Variants in PLEKHG5 observed in about 807,000 individuals in gnomAD.
The protein encoded by PLEKHG5 is pleckstrin homology and RhoGEF domain containing G5.
PLEKHG5 carries 52 observed loss-of-function variants against 103.8 expected under a neutral mutation model. The observed-to-expected ratio is 0.50, with a 90% CI of 0.40 to 0.63. The LOEUF is 0.63. Among genes scored for constraint, PLEKHG5 ranks in the 30% least tolerant of loss-of-function variants. The pLI is 0.00. For missense variants in PLEKHG5, 1,205 were observed against 1,347.6 expected, an observed-to-expected ratio of 0.89 and a Z score of 1.66; for synonymous variants, 592 against 575.5, an observed-to-expected ratio of 1.03 and a Z score of -0.41.
At chr1:6,519,760 T>C (rs1050216482) in exon 1 of PLEKHG5, 1 of 592,118 alleles carries the variant, frequency 1.7e-6, no homozygotes, top group Non-Finnish European at 3.0e-6. Context: ...GCGCTGTATA[T>C]TTGAAGGCAC....
chr1:6,518,274 T>C (rs1181050679), intron 1 of PLEKHG5, among the ~76,000 whole-genome samples: 1 of 150,388 alleles, frequency 6.6e-6, no homozygotes, highest in Non-Finnish European at 1.5e-5. Context: ...AATATGGATG[T>C]GCAGGGCCAG....
intron 9 of PLEKHG5, 30 bp downstream of exon 9, chr1:6,472,956 G>A: frequency 6.2e-7 from 1 of 1,605,518 alleles, no homozygotes; most frequent in African/African-American, 1.3e-5. Flanking sequence ...TTCGGGACAA[G>A]GAGGGAGCAG....
chr1:6,475,363 T>C, intron 4 of PLEKHG5, 99 bp downstream of exon 4: 1 of 1,057,284 alleles, frequency 9.5e-7, no homozygotes, highest in Non-Finnish European at 1.5e-6. Context: ...CACCCTGGGA[T>C]GCAGACCTCC....
intron 20 of PLEKHG5, 42 bp downstream of exon 20, chr1:6,467,782 AG>A: frequency 6.2e-7 from 1 of 1,606,002 alleles, no homozygotes; most frequent in Non-Finnish European, 8.5e-7. Flanking sequence ...CCCCCATGCC[AG>A]TGCCCTGAGC....
At chr1:6,509,642 C>T (rs78825756) in intron 1 of PLEKHG5, among the ~76,000 whole-genome samples, 1 of 152,208 alleles carries the variant, frequency 6.6e-6, no homozygotes, top group African/African-American at 2.4e-5. Context: ...TCCCCTCAAC[C>T]ACCCTGGATG....
At position 6,467,590 on chromosome 1, in the gene PLEKHG5, G is replaced by A. The variant is rs764970014; in HGVS notation, c.3012-18C>T. The A allele has an allele frequency of 3.1e-6, 5 of 1,612,282 alleles. 1 individual carries two copies. In the South Asian group the frequency reaches 3.3e-5, roughly 11 times the overall value. The stretch of plus-strand genomic sequence containing the variant: ...AGACCTCCCTACAGGGTGGGGAGGG[G>A]ACAGAGTCCTTCTTTGGCTGACGCC... On this transcript the variant is annotated intron_variant, in intron 20 of 20. Coordinates refer to ENST00000377728, the MANE Select transcript of PLEKHG5 (RefSeq NM_020631.6).
upstream of PLEKHG5, among the ~76,000 whole-genome samples, chr1:6,494,919 T>C (rs1645200621): frequency 6.6e-6 from 1 of 152,232 alleles, no homozygotes; most frequent in African/African-American, 2.4e-5. Flanking sequence ...AGGCCAGGGC[T>C]GGAGGTGAGG....
chr1:6,519,532 G>A (rs1414755030), exon 1 of PLEKHG5: 2 of 1,604,190 alleles, frequency 1.2e-6, no homozygotes, highest in African/African-American at 2.7e-5. Flanking sequence ...TGCGGTGGTG[G>A]CACCCTGCCT....
At position 6,468,438 on chromosome 1, in the gene PLEKHG5, T is replaced by G. The variant is rs755199163; in HGVS notation, c.2398A>C (p.Ser800Arg). Residue 800 changes from serine (S) to arginine (R), a missense_variant, in exon 20 of 21, where the codon AGT becomes CGT. By Grantham distance (110) the Ser-to-Arg change is moderately radical. Coordinates refer to ENST00000377728, the MANE Select transcript of PLEKHG5 (RefSeq NM_020631.6). ...ACCGGACCCAGGGGCAGCAGCTCAC[T>G]GGTGGGCGTGGCAGATGAGGCAGTG... is the stretch of plus-strand genomic sequence containing the variant. Reference protein sequence around the residue: ...STTASSATPTSELLPLGPVDG... With the variant: ...STTASSATPTRELLPLGPVDG... 6.2e-7 allele frequency: 1 copy of G among 1,612,628 alleles called. No individual in the cohort carries two copies. The highest frequency in any genetic ancestry group is 1.1e-5 in the South Asian group (1 of 91,004).
chr1:6,496,341 A>G (rs1170179455), upstream of PLEKHG5: 5 of 573,648 alleles, frequency 8.7e-6, no homozygotes, highest in Non-Finnish European at 1.6e-5. Flanking sequence ...CTCCTAAACC[A>G]GACACACTGT....
At chr1:6,509,747 C>T (rs929119029) in intron 1 of PLEKHG5, among the ~76,000 whole-genome samples, 7 of 152,312 alleles carry the variant, frequency 4.6e-5, no homozygotes, top group African/African-American at 1.4e-4. Flanking sequence ...TGGGCAGCCT[C>T]GGCCGTGACA....
Position 6,516,808 on chromosome 1 carries a change from G to A in PLEKHG5, c.-165+2637C>T, listed in dbSNP as rs12744550. Among the ~76,000 whole-genome samples the A allele has an allele frequency of 7.7e-4, 31 of 40,354 alleles. 1 individual carries two copies. The East Asian group carries it at 0.015, about 19-fold the overall frequency. 26.5% of individuals were successfully genotyped at this position (40,354 alleles called of 152,430 possible). A position where few individuals can be genotyped will look rare whatever the true frequency, so the allele number is the denominator to read the frequency against. On this transcript the variant is annotated intron_variant, in intron 1 of 21. Coordinates refer to the PLEKHG5 transcript ENST00000377740. ...GTGTTATATATATGTGTATATATATGTGTGTATATATATGTGTATATATGT... is the reference window on the plus strand; with the variant it reads ...GTGTTATATATATGTGTATATATATATGTGTATATATATGTGTATATATGT...
intron 16 of PLEKHG5, among the ~76,000 whole-genome samples, 177 bp from the exon 17 acceptor site, chr1:6,469,853 T>C (rs1404800991): frequency 1.3e-5 from 2 of 152,246 alleles, no homozygotes; most frequent in Non-Finnish European, 1.5e-5. Flanking sequence ...TGTACGTTGA[T>C]GACTTATCTC....
At chr1:6,467,735 A>G in intron 20 of PLEKHG5, 90 bp downstream of exon 20, 2 of 1,536,238 alleles carry the variant, frequency 1.3e-6, no homozygotes, top group East Asian at 2.3e-5. Context: ...CTCCGCCATG[A>G]CCCTCCCCAA....
intron 19 of PLEKHG5, 137 bp from the exon 20 acceptor site, chr1:6,468,723 G>A (rs1644471681): frequency 2.2e-6 from 2 of 908,626 alleles, no homozygotes; most frequent in Admixed American, 2.0e-5. Context: ...GCATGTGGCA[G>A]GTGTGGCAGA....
chr1:6,489,702 A>G (rs1645110502), intron 1 of PLEKHG5, among the ~76,000 whole-genome samples: 1 of 152,176 alleles, frequency 6.6e-6, no homozygotes, highest in Non-Finnish European at 1.5e-5. Flanking sequence ...CCTGGGCTTC[A>G]GAAGACCTGG....
At chr1:6,477,755 CA>C in intron 1 of PLEKHG5, 97 bp from the exon 2 acceptor site, 2 of 1,341,264 alleles carry the variant, frequency 1.5e-6, no homozygotes, top group African/African-American at 1.5e-5. Context: ...AACTGCCCTC[CA>C]TCTCTCGATC....
intron 1 of PLEKHG5, among the ~76,000 whole-genome samples, chr1:6,488,026 G>T (rs955999803): frequency 2.0e-5 from 3 of 152,292 alleles, no homozygotes; most frequent in African/African-American, 7.2e-5. Flanking sequence ...CTGCCAGACC[G>T]AAGGTCTCTT....
chr1:6,497,427 GAGGCGGGCGGGGC>G (rs943355813), upstream of PLEKHG5: 5 of 895,046 alleles, frequency 5.6e-6, no homozygotes, highest in Admixed American at 6.1e-5. The surrounding 1 kb of genome is among the most constrained non-coding windows in gnomAD (Gnocchi z 6.1). Context: ...CCTCGCACGG[GAGGCGGGCGGGGC>G]AGGTGGGCGG....
Sources: gnomAD v4.1 joint callset for allele counts (sites outside exome capture counted in the v4.1 genomes callset) on GRCh38, gnomAD v4.1.1 for gene constraint, Gnocchi (gnomAD v3.1) non-coding constraint, MANE v1.5 for transcripts, NCBI Gene and HGNC (gene_info 2026-07-23, HGNC 2026-07-21) for gene names.